Variants in GSE1 observed in about 807,000 individuals in gnomAD.
The protein encoded by GSE1 is Gse1 coiled-coil protein.
A neutral mutation model predicts 112.6 loss-of-function variants in GSE1; 32 were observed. The ratio of observed to expected loss-of-function variants is 0.28; its 90% confidence interval spans 0.21 to 0.38. The LOEUF (loss-of-function observed/expected upper bound fraction) is 0.38, where lower values mean the gene tolerates loss of function less well. GSE1 is among the 10% of genes least tolerant of loss of function. The pLI, the probability that GSE1 is intolerant of heterozygous loss-of-function variation, is 1.00. For missense variants in GSE1, 2,348 were observed against 1,699.2 expected (o/e 1.38, Z -6.71); for synonymous variants, 1,115 against 735.6 (o/e 1.52, Z -8.35).
intron 1 of GSE1, chr16:85,594,322 C>T (rs962470712): frequency 6.6e-6 from 1 of 152,194 alleles, no homozygotes; most frequent in South Asian, 2.1e-4. Context: ...CATCTGCTCT[C>T]CACCGAAGCC....
intron 2 of GSE1, among the ~76,000 whole-genome samples, chr16:85,638,108 C>T (rs1248625797): frequency 3.3e-5 from 5 of 152,220 alleles, no homozygotes; most frequent in African/African-American, 1.2e-4. Context: ...CTCCAGTGCA[C>T]GCCTGACGAC....
At chr16:85,466,598 G>A (rs1247859521) in intron 2 of GSE1, among the ~76,000 whole-genome samples, 1 of 152,210 alleles carries the variant, frequency 6.6e-6, no homozygotes, top group African/African-American at 2.4e-5. Context: ...ACTCACTGCG[G>A]GTGGCAATGA....
chr16:85,231,453 A>AGGATGGAT (rs569342189), intron 1 of GSE1, among the ~76,000 whole-genome samples: 11 of 149,306 alleles, frequency 7.4e-5, no homozygotes, highest in Non-Finnish European at 9.0e-5. Context: ...GATGGATGGA[A>AGGATGGAT]GGATGGATGG....
At chr16:85,319,464 C>A (rs1222549016) in intron 1 of GSE1, among the ~76,000 whole-genome samples, 1 of 152,126 alleles carries the variant, frequency 6.6e-6, no homozygotes, top group Non-Finnish European at 1.5e-5. Context: ...CTCACCCTTC[C>A]GTTCCAGCGG....
At chr16:85,653,835 G>A (rs1006496924) in intron 3 of GSE1, among the ~76,000 whole-genome samples, 11 of 152,218 alleles carry the variant, frequency 7.2e-5, no homozygotes, top group Admixed American at 4.6e-4. Flanking sequence ...CGCAGTTGAC[G>A]TCTTGGCTAC....
intron 1 of GSE1, among the ~76,000 whole-genome samples, chr16:85,312,821 C>G (rs974909207): frequency 6.6e-6 from 1 of 151,916 alleles, no homozygotes; most frequent in Non-Finnish European, 1.5e-5. Context: ...CTCGTCCACC[C>G]AGGTTGACAC....
At chr16:85,313,757 T>C (rs1263469217) in intron 1 of GSE1, among the ~76,000 whole-genome samples, 1 of 152,230 alleles carries the variant, frequency 6.6e-6, no homozygotes, top group Non-Finnish European at 1.5e-5. Flanking sequence ...GGCCAAGGCC[T>C]GGCTTCTGCT....
intron 15 of GSE1, chr16:85,672,022 G>A (rs1022396557): frequency 7.2e-5 from 15 of 207,916 alleles, no homozygotes; most frequent in African/African-American, 1.4e-4. Context: ...TTTTTGAGGC[G>A]AAGTCTCACT....
chr16:85,403,893 T>A (rs978732460), intron 2 of GSE1, among the ~76,000 whole-genome samples: 2 of 152,154 alleles, frequency 1.3e-5, no homozygotes, highest in Non-Finnish European at 2.9e-5. Flanking sequence ...CTGCACCCCC[T>A]TCAGAGGCTG....
intron 1 of GSE1, among the ~76,000 whole-genome samples, chr16:85,334,491 T>A (rs2046441923): frequency 6.6e-6 from 1 of 152,196 alleles, no homozygotes; most frequent in South Asian, 2.1e-4. Flanking sequence ...CTTCTCTGCG[T>A]TTCCTCTCTC....
Position 85,661,382 on chromosome 16 carries a change from A to C in GSE1, c.1877A>C (p.Glu626Ala). 1 of 1,612,306 alleles carries C rather than the reference A, an allele frequency of 6.2e-7. No homozygotes were observed. The highest frequency in any genetic ancestry group is 8.5e-7 in the Non-Finnish European group (1 of 1,179,726). ...GCAGCCGTGCCGCTGGTGAAGGTGGAGCGGGTCTTCTGCCCGGAGAAAGCA... is the reference window on the plus strand; with the variant it reads ...GCAGCCGTGCCGCTGGTGAAGGTGGCGCGGGTCTTCTGCCCGGAGAAAGCA... The part of the protein sequence containing the change: ...RQAAVPLVKV[E>A]RVFCPEKAEE... Residue 626 changes from glutamate (E) to alanine (A), a missense_variant, in exon 9 of 16, where the codon GAG (glutamate) becomes GCG (alanine). Coordinates refer to ENST00000253458, the MANE Select transcript of GSE1 (RefSeq NM_014615.5).
chr16:85,648,195 C>T (rs566471875), intron 2 of GSE1, among the ~76,000 whole-genome samples: 11 of 152,250 alleles, frequency 7.2e-5, no homozygotes, highest in South Asian at 4.1e-4. Context: ...GTGCTACCTT[C>T]GTCTCTCACT....
chr16:85,315,969 A>T (rs2045977381), intron 1 of GSE1, among the ~76,000 whole-genome samples: 1 of 152,218 alleles, frequency 6.6e-6, no homozygotes, highest in African/African-American at 2.4e-5. Context: ...CTGGAGGGGC[A>T]GGGCTGGTGC....
chr16:85,662,938 T>A, intron 9 of GSE1, 43 bp from the exon 10 acceptor site: 1 of 1,353,088 alleles, frequency 7.4e-7, no homozygotes, highest in Non-Finnish European at 1.1e-6. Flanking sequence ...ACTGGACAGA[T>A]GAAGGCTCTT....
At chr16:85,503,475 T>C (rs1275667219) in intron 2 of GSE1, among the ~76,000 whole-genome samples, 1 of 152,046 alleles carries the variant, frequency 6.6e-6, no homozygotes, top group African/African-American at 2.4e-5. Context: ...CTGAGCCAGG[T>C]CAGAGCCTCC....
chr16:85,438,294 T>C (rs1414873849), intron 2 of GSE1, among the ~76,000 whole-genome samples: 3 of 152,158 alleles, frequency 2.0e-5, no homozygotes, highest in African/African-American at 7.2e-5. Context: ...TGCAAGGCCA[T>C]GCGGTGGTGT....
At chr16:85,224,641 C>G (rs2143782693) in intron 1 of GSE1, among the ~76,000 whole-genome samples, 1 of 152,266 alleles carries the variant, frequency 6.6e-6, no homozygotes, top group East Asian at 1.9e-4. Context: ...CATCCCTTCC[C>G]CTGCCGAGCT....
intron 1 of GSE1, among the ~76,000 whole-genome samples, chr16:85,561,329 G>A (rs1360438853): frequency 2.0e-5 from 3 of 152,146 alleles, no homozygotes; most frequent in Non-Finnish European, 4.4e-5. Flanking sequence ...CGCCGATCCT[G>A]GGCAGTCTGG....
chr16:85,250,369 A>G (rs1191050807), intron 1 of GSE1, among the ~76,000 whole-genome samples: 1 of 152,170 alleles, frequency 6.6e-6, no homozygotes, highest in African/African-American at 2.4e-5. Flanking sequence ...GTTTACAAAC[A>G]GAGCAGCTTG....
Sources: allele counts gnomAD v4.1 joint callset (sites outside exome capture counted in the v4.1 genomes callset), GRCh38; gene constraint gnomAD v4.1.1; transcripts MANE v1.5; gene names NCBI Gene and HGNC (gene_info 2026-07-23, HGNC 2026-07-21).